The following STON2 variants were observed in gnomAD, a reference collection of about 807,000 sequenced individuals.
STON2 encodes stonin-2.
A neutral mutation model predicts 65.7 loss-of-function variants in STON2; 29 were observed. The observed-to-expected ratio is 0.44, with a 90% CI of 0.33 to 0.60. The LOEUF (loss-of-function observed/expected upper bound fraction) is 0.60. Among genes scored for constraint, STON2 ranks in the 20% least tolerant of loss-of-function variants. STON2 has a pLI of 0.03. For synonymous variants in STON2, 404 were observed against 414.2 expected, an observed-to-expected ratio of 0.98 and a Z score of 0.30; for missense variants, 1,054 against 1,118.1, an observed-to-expected ratio of 0.94 and a Z score of 0.82.
In STON2 at chr14:81,267,796, C is replaced by T. The variant is rs1894414473; in HGVS notation, c.*618G>A. On this transcript the variant is annotated 3_prime_UTR_variant, in exon 8 of 8. Coordinates refer to ENST00000614646, the MANE Select transcript of STON2 (RefSeq NM_001394390.1). The stretch of plus-strand genomic sequence containing the variant: ...AGGATAGCAAATCCTGTGACTGAAA[C>T]CTTAGAGAGATGGAAAAAGTGTTCC... 1.0e-6 allele frequency: 1 copy of T among 985,230 alleles called. No homozygotes were observed. The highest frequency in any genetic ancestry group is 6.2e-5 in the Admixed American group (1 of 16,258). 61.0% of individuals were successfully genotyped at this position (985,230 alleles called of 1,614,324 possible). A position where few individuals can be genotyped will look rare whatever the true frequency, so the allele number is the denominator to read the frequency against.
intron 4 of STON2, among the ~76,000 whole-genome samples, chr14:81,337,147 A>G (rs1022874428): frequency 6.6e-6 from 1 of 152,230 alleles, no homozygotes; most frequent in East Asian, 1.9e-4. Context: ...AAGTCAAGTC[A>G]CATGGACCCT....
intron 7 of STON2, chr14:81,270,246 C>A (rs1003414310): frequency 4.3e-5 from 20 of 462,948 alleles, no homozygotes; most frequent in African/African-American, 4.2e-4. Context: ...CCACCATGCC[C>A]GGCTAATTTT....
At chr14:81,269,334 C>T (rs774996139) in intron 7 of STON2, 15 of 985,416 alleles carry the variant, frequency 1.5e-5, no homozygotes, top group Non-Finnish European at 1.8e-5. Flanking sequence ...CTTTAGAAAA[C>T]CTCCGAACTG....
At chr14:81,352,602 C>T (rs565165393) in intron 4 of STON2, among the ~76,000 whole-genome samples, 13 of 152,290 alleles carry the variant, frequency 8.5e-5, no homozygotes, top group Non-Finnish European at 1.8e-4. Context: ...AGCTGCATAA[C>T]GTTGACAAGC....
intron 4 of STON2, among the ~76,000 whole-genome samples, chr14:81,348,484 T>C (rs1404338077): frequency 7.2e-5 from 11 of 151,800 alleles, no homozygotes. Context: ...GAGAAAGAAA[T>C]AAAGCAATCC....
At chr14:81,374,468 A>G (rs925657870) in intron 3 of STON2, among the ~76,000 whole-genome samples, 1 of 152,178 alleles carries the variant, frequency 6.6e-6, no homozygotes, top group African/African-American at 2.4e-5. Flanking sequence ...AACAAGAACC[A>G]GCAAAGTGTG....
Position 81,414,124 on chromosome 14 carries a change from A to G in STON2, c.-199+12978T>C, listed in dbSNP as rs369025923. On this transcript the variant is annotated intron_variant, in intron 2 of 8. Coordinates refer to the STON2 transcript ENST00000553821. ...GGAGGACAAGGAATTCTGGTGGAGGACATGGTGGGTGATAGTCCCACTGAC... is the reference window on the plus strand; with the variant it reads ...GGAGGACAAGGAATTCTGGTGGAGGGCATGGTGGGTGATAGTCCCACTGAC... Among the ~76,000 whole-genome samples, 38 of 139,374 alleles carry G rather than the reference A, an allele frequency of 2.7e-4. 12 individuals are homozygous for G. The highest frequency in any genetic ancestry group is 1.1e-3 in the African/African-American group (38 of 33,904). The allele number at this position is 139,374 out of a possible 152,430, so 91.4% of individuals were successfully genotyped here.
intron 5 of STON2, among the ~76,000 whole-genome samples, chr14:81,295,456 T>C (rs1895726225): frequency 6.6e-6 from 1 of 152,248 alleles, no homozygotes; most frequent in Non-Finnish European, 1.5e-5. Flanking sequence ...GAGTCTTGGT[T>C]ATGTATCAGA....
chr14:81,317,395 T>C (rs970154179), intron 5 of STON2, among the ~76,000 whole-genome samples: 3 of 152,222 alleles, frequency 2.0e-5, no homozygotes, highest in African/African-American at 7.2e-5. Context: ...TAGCCACATA[T>C]ATTGAAAGGC....
At chr14:81,417,290 C>A (rs867753299) in intron 2 of STON2, among the ~76,000 whole-genome samples, 2 of 148,840 alleles carry the variant, frequency 1.3e-5, no homozygotes, top group Non-Finnish European at 3.0e-5. Context: ...CCCCCGGCCC[C>A]CAGCTCTGCA....
chr14:81,383,610 T>G (rs1349041177), intron 3 of STON2, among the ~76,000 whole-genome samples: 1 of 152,132 alleles, frequency 6.6e-6, no homozygotes, highest in South Asian at 2.1e-4. Flanking sequence ...TCAAAATACA[T>G]CTGGAATCCA....
chr14:81,265,319 A>G lies in STON2; in HGVS notation c.*3095T>C, dbSNP rs1459400285. On this transcript the variant is annotated 3_prime_UTR_variant, in exon 8 of 8. Transcript: ENST00000614646. ...GTTTCCTAAAAACAGTAGAGGGAAA[A>G]CAAATTTGATGAAATTAAGATGTTA... is the stretch of plus-strand genomic sequence containing the variant. 2 of 984,466 alleles carry G rather than the reference A, an allele frequency of 2.0e-6. No individual in the cohort carries two copies. Among genetic ancestry groups the G allele is most frequent in the African/African-American group, 1.7e-5 (1 of 57,202 alleles). 61.0% of individuals were successfully genotyped at this position (984,466 alleles called of 1,614,324 possible).
At chr14:81,400,970 A>G (rs1311454813), upstream of STON2, among the ~76,000 whole-genome samples, 1 of 152,230 alleles carries the variant, frequency 6.6e-6, no homozygotes, top group Non-Finnish European at 1.5e-5. Flanking sequence ...GACAATGAAA[A>G]CAGCAGGTGA....
At chr14:81,336,452 C>A (rs1405674340) in intron 4 of STON2, among the ~76,000 whole-genome samples, 1 of 151,998 alleles carries the variant, frequency 6.6e-6, no homozygotes, top group African/African-American at 2.4e-5. Flanking sequence ...CATACCATAA[C>A]ACAGGAGTAC....
At chr14:81,421,098 T>A (rs1901683114) in intron 2 of STON2, among the ~76,000 whole-genome samples, 1 of 152,124 alleles carries the variant, frequency 6.6e-6, no homozygotes, top group Non-Finnish European at 1.5e-5. Flanking sequence ...GGGGCAGGGA[T>A]GGGATGAAGC....
chr14:81,346,244 G>A (rs1047461426), intron 4 of STON2, among the ~76,000 whole-genome samples: 5 of 152,144 alleles, frequency 3.3e-5, no homozygotes, highest in African/African-American at 1.2e-4. Context: ...TGAGTAATTT[G>A]AGAATAGAAG....
At chr14:81,396,208 G>A (rs1000773973) in intron 2 of STON2, 30 bp from the exon 3 acceptor site, 1 of 1,567,406 alleles carries the variant, frequency 6.4e-7, no homozygotes, top group Admixed American at 1.8e-5. Flanking sequence ...CCACCATCAT[G>A]TGAGGAAGGC....
intron 5 of STON2, chr14:81,323,622 C>G (rs1396771136): frequency 6.6e-6 from 1 of 152,166 alleles, no homozygotes; most frequent in African/African-American, 2.4e-5. Flanking sequence ...TATTACAAAG[C>G]TATCTTGACA....
At chr14:81,284,827 A>C (rs1895272258) in intron 5 of STON2, among the ~76,000 whole-genome samples, 1 of 152,182 alleles carries the variant, frequency 6.6e-6, no homozygotes, top group African/African-American at 2.4e-5. Context: ...CTTTAAGTTG[A>C]AGCCATTGCT....
Sources: gnomAD v4.1 joint callset for allele counts (sites outside exome capture counted in the v4.1 genomes callset) on GRCh38, gnomAD v4.1.1 for gene constraint, MANE v1.5 for transcripts, NCBI Gene and HGNC (gene_info 2026-07-23, HGNC 2026-07-21) for gene names.